The following COL23A1 variants were observed in gnomAD, a reference collection of about 807,000 sequenced individuals.
The protein encoded by COL23A1 is collagen alpha-1(XXIII) chain.
Under a neutral mutation model 99.3 loss-of-function variants are expected in COL23A1, and 97 were observed. The ratio of observed to expected loss-of-function variants is 0.98; its 90% CI spans 0.83 to 1.16. The LOEUF (loss-of-function observed/expected upper bound fraction) is 1.16. COL23A1 is among the 50% of genes most tolerant of loss of function. The pLI is 0.00. For synonymous variants in COL23A1, 320 were observed against 308.2 expected (o/e 1.04, Z -0.40); for missense variants, 762 against 757.4 (o/e 1.01, Z -0.07).
In COL23A1 at chr5:178,310,626, C is replaced by T. The variant is rs1008117289; in HGVS notation, c.362-3707G>A. Among the ~76,000 whole-genome samples, 13 of 152,016 alleles carry T rather than the reference C, an allele frequency of 8.6e-5. No individual in the cohort carries two copies. The highest frequency in any genetic ancestry group is 1.2e-4 in the African/African-American group (5 of 41,406). On this transcript the variant is annotated intron_variant, in intron 2 of 28. Transcript: ENST00000390654. The surrounding 1 kb of genome is among the most constrained non-coding windows in gnomAD (Gnocchi z 4.3). ...AGTTGTGTCCCATATGCTGAGCTAC[C>T]GGGCAGGCGGCCTTGGCGACCAGGG...
Position 178,366,253 on chromosome 5 carries a change from C to T in COL23A1, c.362-59334G>A, listed in dbSNP as rs1275859750. On this transcript the variant is annotated intron_variant, in intron 2 of 28. Coordinates refer to ENST00000390654, the MANE Select transcript of COL23A1 (RefSeq NM_173465.4). This position sits in a 1 kb window ranked among gnomAD's most constrained non-coding sequence, Gnocchi z 4.4. Reference sequence around the variant, plus strand: ...AGGGCCTGCTCCCAGCCCAGCTTGGCTGTCCAGTGGGGAGGGGCACCGCTG... The same window carrying T: ...AGGGCCTGCTCCCAGCCCAGCTTGGTTGTCCAGTGGGGAGGGGCACCGCTG... Among the ~76,000 whole-genome samples the T allele has an allele frequency of 6.6e-6, 1 of 152,210 alleles. No individual in the cohort carries two copies. The highest frequency in any genetic ancestry group is 1.5e-5 in the Non-Finnish European group (1 of 68,042).
intron 3 of COL23A1, among the ~76,000 whole-genome samples, chr5:178,304,038 G>A (rs1353371918): frequency 6.6e-6 from 1 of 152,214 alleles, no homozygotes; most frequent in African/African-American, 2.4e-5. Context: ...GCCAGCCAGG[G>A]GAAGGTGGGA....
chr5:178,396,838 C>T (rs1002152231), intron 2 of COL23A1, among the ~76,000 whole-genome samples: 2 of 151,614 alleles, frequency 1.3e-5, no homozygotes, highest in Admixed American at 6.6e-5. Context: ...GGCTGTCCTC[C>T]GAGAGTCTCT....
Position 178,434,761 on chromosome 5 carries a change from T to A in COL23A1, c.361+125921A>T, listed in dbSNP as rs1489180275. 2.0e-5 allele frequency among the ~76,000 whole-genome samples: 3 copies of A among 152,218 alleles called. No individual in the cohort carries two copies. The highest frequency in any genetic ancestry group is 4.4e-5 in the Non-Finnish European group (3 of 68,034). On this transcript the variant is annotated intron_variant, in intron 2 of 28. Transcript: ENST00000390654. This position sits in a 1 kb window ranked among gnomAD's most constrained non-coding sequence, Gnocchi z 4.3. ...CCGCTGAGGAAACTGAGGCCTGGGATGGTGGAGGGCTGTGGGGTATCATTT... is the reference window on the plus strand; with the variant it reads ...CCGCTGAGGAAACTGAGGCCTGGGAAGGTGGAGGGCTGTGGGGTATCATTT...
chr5:178,248,417 G>A (rs777229471), intron 19 of COL23A1, among the ~76,000 whole-genome samples, 163 bp from the exon 20 acceptor site: 6 of 152,298 alleles, frequency 3.9e-5, no homozygotes, highest in East Asian at 1.9e-4. Context: ...GCCACGCCCC[G>A]GGTGGTGGGC....
At chr5:178,516,770 C>A (rs1254835614) in intron 2 of COL23A1, among the ~76,000 whole-genome samples, 1 of 152,192 alleles carries the variant, frequency 6.6e-6, no homozygotes, top group African/African-American at 2.4e-5. Flanking sequence ...CTCCCCCAGG[C>A]TCCCCAGATG....
chr5:178,536,528 G>C (rs1760972963), intron 2 of COL23A1, among the ~76,000 whole-genome samples: 1 of 152,202 alleles, frequency 6.6e-6, no homozygotes. Context: ...GCATCATCCA[G>C]ACCATGGACA....
At chr5:178,556,369 T>A (rs770852724) in intron 2 of COL23A1, among the ~76,000 whole-genome samples, 1 of 152,124 alleles carries the variant, frequency 6.6e-6, no homozygotes, top group South Asian at 2.1e-4. Flanking sequence ...ACGCCTATAA[T>A]CCCAGTACTT....
Position 178,549,077 on chromosome 5 carries a change from C to A in COL23A1, c.361+11605G>T, listed in dbSNP as rs370466873. On this transcript the variant is annotated intron_variant, in intron 2 of 28. Coordinates refer to ENST00000390654, the MANE Select transcript of COL23A1 (RefSeq NM_173465.4). The stretch of plus-strand genomic sequence containing the variant: ...ATGGCACGATCTCGGCTCACTGCAA[C>A]CTCCGCTTCCCAGGTTCAAGCAATT... Among the ~76,000 whole-genome samples the A allele has an allele frequency of 1.9e-4, 29 of 152,156 alleles. No homozygotes were observed. The East Asian group carries it at 3.3e-3, about 17-fold the overall frequency.
At chr5:178,358,312 G>A (rs1042593701) in intron 2 of COL23A1, among the ~76,000 whole-genome samples, 13,820 of 144,002 alleles carry the variant, frequency 0.096, 854 homozygotes, top group Middle Eastern at 0.24. Flanking sequence ...ATGTATGTGT[G>A]TGTATGTGTA....
intron 9 of COL23A1, among the ~76,000 whole-genome samples, chr5:178,263,001 G>GT (rs1399229519): frequency 2.0e-5 from 3 of 152,082 alleles, no homozygotes; most frequent in Non-Finnish European, 4.4e-5. Flanking sequence ...TTAGGGTTGG[G>GT]TTTGGGTCTG....
chr5:178,480,275 ACT>A (rs1335693894), intron 2 of COL23A1, among the ~76,000 whole-genome samples: 1 of 151,986 alleles, frequency 6.6e-6, no homozygotes, highest in Non-Finnish European at 1.5e-5. Flanking sequence ...CCAAACTAAA[ACT>A]CTGCCTCCCT....
At chr5:178,550,620 G>T (rs1039338414) in intron 2 of COL23A1, among the ~76,000 whole-genome samples, 15 of 152,130 alleles carry the variant, frequency 9.9e-5, no homozygotes, top group Non-Finnish European at 1.5e-5. Context: ...TTTACATTTA[G>T]ATCTTCAATC....
chr5:178,393,927 T>C (rs1764098327), intron 2 of COL23A1, among the ~76,000 whole-genome samples: 1 of 152,218 alleles, frequency 6.6e-6, no homozygotes. Flanking sequence ...AAGCCTGGCT[T>C]CTTCCCTCTT....
chr5:178,368,700 G>A lies in COL23A1; in HGVS notation c.362-61781C>T, dbSNP rs77953534. Among the ~76,000 whole-genome samples, 1,073 of 152,242 alleles carry A rather than the reference G, an allele frequency of 7.0e-3. 15 individuals are homozygous for A. Among genetic ancestry groups the A allele is most frequent in the African/African-American group, 0.024 (1,014 of 41,494 alleles). The stretch of plus-strand genomic sequence containing the variant: ...CAGAAGCCGTCAGCCTCCAGAAGCC[G>A]TCAGCCTCCAGTCCAGAGTGGCACA... On this transcript the variant is annotated intron_variant, in intron 2 of 28. Coordinates refer to ENST00000390654, the MANE Select transcript of COL23A1 (RefSeq NM_173465.4).
chr5:178,361,758 C>T (rs900456144), intron 2 of COL23A1, among the ~76,000 whole-genome samples: 7 of 152,208 alleles, frequency 4.6e-5, no homozygotes, highest in Non-Finnish European at 1.0e-4. Flanking sequence ...GCAGTCACCT[C>T]CAAGACAGGT....
At chr5:178,358,570 A>AGT (rs1561898400) in intron 2 of COL23A1, among the ~76,000 whole-genome samples, 3 of 123,570 alleles carry the variant, frequency 2.4e-5, no homozygotes, top group Non-Finnish European at 5.2e-5. Flanking sequence ...GTGTATGTCT[A>AGT]ATGTGTATGT....
chr5:178,468,438 C>T lies in COL23A1; in HGVS notation c.361+92244G>A, dbSNP rs1292472700. Reference sequence around the variant, plus strand: ...ATGGTGAATGCAAGAATATCAACAACCACGGCTCCGTCTCCTGTGGGCTAG... The same window carrying T: ...ATGGTGAATGCAAGAATATCAACAATCACGGCTCCGTCTCCTGTGGGCTAG... On this transcript the variant is annotated intron_variant, in intron 2 of 28. Coordinates refer to ENST00000390654, the MANE Select transcript of COL23A1 (RefSeq NM_173465.4). This position sits in a 1 kb window ranked among gnomAD's most constrained non-coding sequence, Gnocchi z 4.2. Among the ~76,000 whole-genome samples, 1 of 152,192 alleles carries T rather than the reference C, an allele frequency of 6.6e-6. No individual in the cohort carries two copies. The highest frequency in any genetic ancestry group is 2.4e-5 in the African/African-American group (1 of 41,436).
intron 2 of COL23A1, among the ~76,000 whole-genome samples, chr5:178,338,987 G>T (rs1053073200): frequency 2.0e-5 from 3 of 152,196 alleles, no homozygotes; most frequent in Non-Finnish European, 4.4e-5. Flanking sequence ...ATGAGCCTGT[G>T]GGTCATGAAT....
Sources: gnomAD v4.1 joint callset for allele counts (sites outside exome capture counted in the v4.1 genomes callset) on GRCh38, gnomAD v4.1.1 for gene constraint, Gnocchi (gnomAD v3.1) non-coding constraint, MANE v1.5 for transcripts, NCBI Gene and HGNC (gene_info 2026-07-23, HGNC 2026-07-21) for gene names.